The following ITFG1 variants were observed in gnomAD, a reference collection of about 807,000 sequenced individuals.
The protein encoded by ITFG1 is T-cell immunomodulatory protein.
In ITFG1, 34 loss-of-function variants were observed where a neutral mutation model predicts 81.8. That is an observed-to-expected ratio of 0.42 (90% confidence interval 0.32 to 0.55). The LOEUF (loss-of-function observed/expected upper bound fraction) is 0.55, where lower values mean the gene tolerates loss of function less well. ITFG1 is among the 20% of genes least tolerant of loss of function. ITFG1 has a pLI of 0.17. For missense variants in ITFG1, 672 were observed against 755.4 expected, an observed-to-expected ratio of 0.89 and a Z score of 1.29; for synonymous variants, 285 against 270.6, an observed-to-expected ratio of 1.05 and a Z score of -0.52.
At chr16:47,184,327 C>T (rs1965179961) in intron 14 of ITFG1, among the ~76,000 whole-genome samples, 1 of 152,222 alleles carries the variant, frequency 6.6e-6, no homozygotes, top group Non-Finnish European at 1.5e-5. Flanking sequence ...ACATAATTGT[C>T]AGATTCACCA....
intron 14 of ITFG1, among the ~76,000 whole-genome samples, chr16:47,181,520 A>C (rs887043595): frequency 1.2e-5 from 1 of 81,402 alleles, no homozygotes; most frequent in African/African-American, 5.0e-5. Context: ...CAGCCCCCCC[A>C]CCCGGCCAGC....
At chr16:47,461,079 G>A, upstream of ITFG1, 1 of 1,491,060 alleles carries the variant, frequency 6.7e-7, no homozygotes, top group Non-Finnish European at 8.9e-7. Context: ...CCGGCCCAAC[G>A]CCGCGCTTGA....
At chr16:47,263,575 A>G (rs754650174) in intron 10 of ITFG1, 3 of 229,028 alleles carry the variant, frequency 1.3e-5, no homozygotes, top group Non-Finnish European at 2.6e-5. Flanking sequence ...GCTTCATCTT[A>G]TCTCTAGTGG....
intron 13 of ITFG1, among the ~76,000 whole-genome samples, chr16:47,226,893 GGTTAT>G (rs1164389230): frequency 3.3e-5 from 5 of 151,826 alleles, no homozygotes; most frequent in African/African-American, 1.2e-4. Flanking sequence ...AAATAAAATT[GGTTAT>G]GTTAATATAA....
intron 12 of ITFG1, among the ~76,000 whole-genome samples, chr16:47,243,021 T>C (rs987789925): frequency 6.6e-6 from 1 of 152,162 alleles, no homozygotes; most frequent in Non-Finnish European, 1.5e-5. Context: ...TTTAAAAATA[T>C]ATATGTATTC....
intron 5 of ITFG1, among the ~76,000 whole-genome samples, chr16:47,429,214 G>C (rs1969062793): frequency 6.6e-6 from 1 of 152,160 alleles, no homozygotes; most frequent in African/African-American, 2.4e-5. Flanking sequence ...CATACACTAT[G>C]TGGTCTTCTG....
At chr16:47,371,907 C>T (rs983082966) in intron 7 of ITFG1, among the ~76,000 whole-genome samples, 2 of 150,864 alleles carry the variant, frequency 1.3e-5, no homozygotes, top group African/African-American at 4.9e-5. Context: ...GGTTTTGCCA[C>T]TCTCTCTTTT....
chr16:47,178,689 C>A (rs1412510423), intron 14 of ITFG1, among the ~76,000 whole-genome samples: 1 of 152,144 alleles, frequency 6.6e-6, no homozygotes, highest in Admixed American at 6.6e-5. Flanking sequence ...GTCTAAAACA[C>A]CAAAAGCAAT....
chr16:47,260,818 C>G, intron 10 of ITFG1, 123 bp from the exon 11 acceptor site: 1 of 1,072,234 alleles, frequency 9.3e-7, no homozygotes, highest in Non-Finnish European at 1.3e-6. Context: ...ACGAAAAAAT[C>G]TCCACATTTT....
intron 14 of ITFG1, among the ~76,000 whole-genome samples, chr16:47,182,118 C>A (rs1965132822): frequency 6.6e-6 from 1 of 151,628 alleles, no homozygotes; most frequent in South Asian, 2.1e-4. Context: ...ACCTTCCCTC[C>A]ACTATTGTCC....
chr16:47,433,792 T>TATATATATATAC (rs1491145615), intron 5 of ITFG1, among the ~76,000 whole-genome samples: 179 of 135,632 alleles, frequency 1.3e-3, no homozygotes, highest in African/African-American at 4.6e-3. Context: ...TATATATATA[T>TATATATATATAC]ACACACACAC....
intron 6 of ITFG1, among the ~76,000 whole-genome samples, chr16:47,402,164 G>A (rs1968669846): frequency 6.6e-6 from 1 of 152,134 alleles, no homozygotes; most frequent in South Asian, 2.1e-4. Flanking sequence ...GAAACTCACC[G>A]AATCTTTATA....
chr16:47,446,841 G>A (rs775266849), intron 5 of ITFG1, among the ~76,000 whole-genome samples: 1 of 151,652 alleles, frequency 6.6e-6, no homozygotes, highest in Non-Finnish European at 1.5e-5. Flanking sequence ...CTATATACAT[G>A]GATTTTTCAA....
intron 6 of ITFG1, among the ~76,000 whole-genome samples, chr16:47,428,095 AC>A (rs775781089): frequency 6.6e-6 from 1 of 152,220 alleles, no homozygotes; most frequent in Non-Finnish European, 1.5e-5. Context: ...GATCGCATGT[AC>A]TACTGTGCTC....
At chr16:47,332,897 C>A (rs1044964128) in intron 8 of ITFG1, among the ~76,000 whole-genome samples, 1 of 152,190 alleles carries the variant, frequency 6.6e-6, no homozygotes, top group African/African-American at 2.4e-5. Context: ...TTCAAAGGTA[C>A]TAGAGCAATT....
chr16:47,157,135 T>C (rs994745607), intron 17 of ITFG1, among the ~76,000 whole-genome samples: 1 of 152,132 alleles, frequency 6.6e-6, no homozygotes, highest in Non-Finnish European at 1.5e-5. Flanking sequence ...GAGATGAAGC[T>C]TTAGAATGCT....
At chr16:47,359,106 T>C (rs879887691) in intron 8 of ITFG1, among the ~76,000 whole-genome samples, 2 of 152,116 alleles carry the variant, frequency 1.3e-5, no homozygotes, top group East Asian at 1.9e-4. Flanking sequence ...AGGGACAATT[T>C]GCAGAACACC....
intron 13 of ITFG1, among the ~76,000 whole-genome samples, chr16:47,223,470 A>C (rs1965718435): frequency 6.6e-6 from 1 of 152,276 alleles, no homozygotes; most frequent in African/African-American, 2.4e-5. Context: ...AAAAATGCTC[A>C]CCATCACTGG....
chr16:47,410,425 A>G (rs1968795327), intron 6 of ITFG1, among the ~76,000 whole-genome samples: 1 of 152,122 alleles, frequency 6.6e-6, no homozygotes, highest in South Asian at 2.1e-4. Flanking sequence ...TCAAAATAAG[A>G]TATAGAGTGA....
Sources: gnomAD v4.1 joint callset for allele counts (sites outside exome capture counted in the v4.1 genomes callset) on GRCh38, gnomAD v4.1.1 for gene constraint, MANE v1.5 for transcripts, NCBI Gene and HGNC (gene_info 2026-07-23, HGNC 2026-07-21) for gene names.